ATRN: variants seen among roughly 807,000 people sequenced by gnomAD.
ATRN encodes attractin, also known as attractin-2.
In ATRN, 54 loss-of-function variants were observed where a neutral mutation model predicts 178.7. That is an observed-to-expected ratio of 0.30 (90% CI 0.24 to 0.38). The LOEUF is 0.38. Among genes scored for constraint, ATRN ranks in the 10% least tolerant of loss-of-function variants. ATRN has a pLI of 1.00. For synonymous variants in ATRN, 636 were observed against 663.0 expected (o/e 0.96, Z 0.63); for missense variants, 1,443 against 1,815.1 (o/e 0.79, Z 3.73).
At chr20:3,526,660 G>A (rs1454119208) in intron 1 of ATRN, among the ~76,000 whole-genome samples, 3 of 152,084 alleles carry the variant, frequency 2.0e-5, no homozygotes, top group Non-Finnish European at 4.4e-5. Context: ...AAAGCTGGAG[G>A]CATCTTGCTA....
intron 6 of ATRN, among the ~76,000 whole-genome samples, chr20:3,551,815 A>G (rs900334710): frequency 1.3e-5 from 2 of 151,830 alleles, no homozygotes; most frequent in African/African-American, 2.4e-5. Context: ...CTACCACCAC[A>G]TTTCCCCTTC....
At chr20:3,517,742 G>T (rs1201627686) in intron 1 of ATRN, among the ~76,000 whole-genome samples, 17 of 151,702 alleles carry the variant, frequency 1.1e-4, no homozygotes, top group Admixed American at 1.1e-3. Flanking sequence ...CTGCACTCCA[G>T]CCTGGGTGAT....
At chr20:3,495,849 TA>T (rs1889310776) in intron 1 of ATRN, among the ~76,000 whole-genome samples, 5 of 151,568 alleles carry the variant, frequency 3.3e-5, no homozygotes, top group African/African-American at 7.3e-5. Context: ...TATAAATCTA[TA>T]AATATATATT....
chr20:3,612,521 T>A (rs1316982284), intron 24 of ATRN, among the ~76,000 whole-genome samples: 4 of 152,176 alleles, frequency 2.6e-5, no homozygotes, highest in Non-Finnish European at 5.9e-5. Flanking sequence ...GAATTCTCCC[T>A]GCTGTAGGCT....
chr20:3,584,552 A>G, intron 17 of ATRN, 95 bp from the exon 18 acceptor site: 1 of 830,838 alleles, frequency 1.2e-6, no homozygotes, highest in Non-Finnish European at 1.8e-6. Flanking sequence ...AATATTTTTG[A>G]CTCAAGCCAG....
At chr20:3,475,054 A>T (rs980065228) in intron 1 of ATRN, among the ~76,000 whole-genome samples, 1 of 151,076 alleles carries the variant, frequency 6.6e-6, no homozygotes, top group Non-Finnish European at 1.5e-5. Context: ...AAAAAAAAAA[A>T]TTTAGTCCAA....
rs184136982 is a variant in ATRN, at chr20:3,598,921, A to G, written c.3564+921A>G. On this transcript the variant is annotated intron_variant, in intron 22 of 28. Transcript: ENST00000262919. ...AAACAATATGGCAGTAAGACAAAGT[A>G]TATTGCTTTGTTAACAAATGTTATC... 6.1e-3 allele frequency among the ~76,000 whole-genome samples: 934 copies of G among 152,370 alleles called. 13 individuals carry two copies. The highest frequency in any genetic ancestry group is 0.021 in the African/African-American group (870 of 41,580).
chr20:3,540,103 G>A, intron 2 of ATRN, 119 bp from the exon 3 acceptor site: 1 of 544,400 alleles, frequency 1.8e-6, no homozygotes, highest in Non-Finnish European at 3.2e-6. Flanking sequence ...AGGAATACTG[G>A]TGGGGCAGTT....
intron 2 of ATRN, among the ~76,000 whole-genome samples, chr20:3,538,632 T>TTA (rs1316188033): frequency 1.3e-5 from 2 of 152,162 alleles, no homozygotes; most frequent in African/African-American, 2.4e-5. Flanking sequence ...CCCCTTTTCC[T>TTA]TATTCCCTAC....
At chr20:3,527,467 C>T (rs529210141) in intron 1 of ATRN, among the ~76,000 whole-genome samples, 18 of 152,310 alleles carry the variant, frequency 1.2e-4, no homozygotes, top group African/African-American at 4.3e-4. Flanking sequence ...CGCTTTTACA[C>T]TGTTGGTAGG....
chr20:3,491,130 G>C lies in ATRN; in HGVS notation c.410+19613G>C. On this transcript the variant is annotated intron_variant, in intron 1 of 28. Transcript: ENST00000262919. ...TTATTGATTCTAATAATTATCTGCA[G>C]ATTATTAGCTCTCTGGGGGAAAAAA... 3 of 559,566 alleles carry C rather than the reference G, an allele frequency of 5.4e-6. No individual in the cohort carries two copies. In the South Asian group the frequency reaches 6.7e-5, roughly 13 times the overall value. 34.7% of individuals were successfully genotyped at this position (559,566 alleles called of 1,614,324 possible).
chr20:3,573,809 G>T (rs461606), intron 12 of ATRN, among the ~76,000 whole-genome samples: 114,405 of 151,936 alleles, frequency 0.75, 43,519 homozygotes, highest in East Asian at 1. Flanking sequence ...CTGTCGCTCA[G>T]GCTGGAGTAC....
At chr20:3,503,314 A>G (rs555549958) in intron 1 of ATRN, among the ~76,000 whole-genome samples, 3 of 152,350 alleles carry the variant, frequency 2.0e-5, no homozygotes, top group African/African-American at 7.2e-5. Flanking sequence ...TGTTCATGAT[A>G]TAATAGCAAA....
At chr20:3,485,931 A>G (rs2084688046) in intron 1 of ATRN, among the ~76,000 whole-genome samples, 1 of 151,288 alleles carries the variant, frequency 6.6e-6, no homozygotes, top group African/African-American at 2.4e-5. Context: ...GAATTTTTGA[A>G]CTGTGCTTGT....
At chr20:3,578,814 C>T in intron 15 of ATRN, 42 bp downstream of exon 15, 1 of 1,563,646 alleles carries the variant, frequency 6.4e-7, no homozygotes, top group Non-Finnish European at 8.7e-7. Flanking sequence ...GGTTATCCAC[C>T]TTTCTACCAA....
intron 25 of ATRN, among the ~76,000 whole-genome samples, chr20:3,625,779 T>C (rs1479818669): frequency 6.6e-6 from 1 of 152,156 alleles, no homozygotes; most frequent in Admixed American, 6.5e-5. Context: ...CCTCCTATAT[T>C]GAAGTCTCTG....
chr20:3,609,714 A>ATGTG (rs34028518), intron 24 of ATRN, among the ~76,000 whole-genome samples: 44,217 of 145,940 alleles, frequency 0.3, 6,992 homozygotes, highest in East Asian at 0.44. Flanking sequence ...GTATGTATGT[A>ATGTG]TGTGTGTGTG....
At chr20:3,558,542 T>G (rs1422156729) in intron 6 of ATRN, among the ~76,000 whole-genome samples, 6 of 10,230 alleles carry the variant, frequency 5.9e-4, no homozygotes, top group Non-Finnish European at 1.2e-3. Flanking sequence ...TTCTTTTTGT[T>G]TTTTTTTCTA....
At position 3,563,308 on chromosome 20, in the gene ATRN, A is replaced by G. The variant is rs1221719919; in HGVS notation, c.1731A>G (p.Thr577=). 1.2e-6 allele frequency: 2 copies of G among 1,614,062 alleles called. No homozygotes were observed. Among genetic ancestry groups the G allele is most frequent in the Non-Finnish European group, 1.7e-6 (2 of 1,180,030 alleles). Residue 577 remains threonine (T), a synonymous_variant, in exon 10 of 29, where the codon ACA becomes ACG. Transcript: ENST00000262919. ...LVFGGNTHND[T]SMSHGAKCFS... ...TTGGAGGAAACACACACAATGACAC[A>G]TCTATGAGCCATGGCGCCAAATGCT...
Sources: allele counts gnomAD v4.1 joint callset (sites outside exome capture counted in the v4.1 genomes callset), GRCh38; gene constraint gnomAD v4.1.1; transcripts MANE v1.5; gene names NCBI Gene and HGNC (gene_info 2026-07-23, HGNC 2026-07-21).